Variants in RS1 observed in about 807,000 individuals in gnomAD.
RS1 encodes the protein retinoschisin 1, also known as retinoschisin.
RS1 carries 2 observed loss-of-function variants against 20.8 expected under a neutral mutation model. The ratio of observed to expected loss-of-function variants is 0.10; its 90% CI spans 0.04 to 0.30. RS1 has a LOEUF of 0.30. RS1 is among the 10% of genes least tolerant of loss of function. RS1 has a pLI of 1.00. For missense variants in RS1, 151 were observed against 189.8 expected, an observed-to-expected ratio of 0.80 and a Z score of 1.20; for synonymous variants, 70 against 75.8, an observed-to-expected ratio of 0.92 and a Z score of 0.40.
intron 3 of RS1, chrX:18,650,519 C>T: frequency 8.3e-7 from 1 of 1,212,095 alleles, no homozygotes; most frequent in Non-Finnish European, 1.1e-6. Flanking sequence ...TACTCCAGGT[C>T]CGAGGCACTT....
At chrX:18,643,481 G>A (rs1927659060) in intron 5 of RS1, among the ~76,000 whole-genome samples, 2 of 112,488 alleles carry the variant, frequency 1.8e-5, no homozygotes, top group South Asian at 7.4e-4. Context: ...GTGCAGGGGT[G>A]AAGTGCCTCT....
chrX:18,651,285 G>C (rs896686831), intron 3 of RS1, among the ~76,000 whole-genome samples: 1 of 108,341 alleles, frequency 9.2e-6, no homozygotes, highest in Non-Finnish European at 1.9e-5. Flanking sequence ...GAGAGAGAGA[G>C]AGACAGAGAG....
intron 4 of RS1, among the ~76,000 whole-genome samples, chrX:18,646,619 A>C (rs1051472833): frequency 7.2e-5 from 8 of 111,837 alleles, no homozygotes; most frequent in African/African-American, 2.3e-4. Context: ...GTGGCTTCTA[A>C]GGTCCTGCAC....
chrX:18,657,826 T>C (rs2147203570), intron 1 of RS1, among the ~76,000 whole-genome samples, 161 bp from the exon 2 acceptor site: 1 of 111,947 alleles, frequency 8.9e-6, no homozygotes, highest in African/African-American at 3.2e-5. Context: ...AGGAAAAACA[T>C]CCGCAGATGC....
intron 3 of RS1, among the ~76,000 whole-genome samples, chrX:18,655,986 C>CTTTTTTTTTTTTTTTT (rs56213978): frequency 1.2e-4 from 6 of 50,826 alleles, no homozygotes; most frequent in Admixed American, 2.8e-4. Context: ...TTTTCTTTTC[C>CTTTTTTTTTTTTTTTT]TTTTTTTTTT....
intron 3 of RS1, chrX:18,653,348 G>T: frequency 1.7e-6 from 2 of 1,172,517 alleles, no homozygotes; most frequent in East Asian, 3.2e-5. Flanking sequence ...TCTGCTCCGT[G>T]GGGGGCCCGG....
chrX:18,650,531 C>T (rs770428990), intron 3 of RS1: 2 of 1,211,842 alleles, frequency 1.7e-6, no homozygotes, highest in South Asian at 3.5e-5. Context: ...GAGGCACTTC[C>T]ATGTGCCCGA....
At chrX:18,657,540 A>G (rs914251097) in intron 2 of RS1, 100 bp downstream of exon 2, 2 of 688,717 alleles carry the variant, frequency 2.9e-6, no homozygotes, top group Non-Finnish European at 4.7e-6. Context: ...ATTTCAAAAT[A>G]CATTTAAAAA....
intron 4 of RS1, chrX:18,646,227 C>T (rs1927769488): frequency 1.0e-6 from 1 of 985,016 alleles, no homozygotes; most frequent in African/African-American, 1.9e-5. Flanking sequence ...AATCTCGGCT[C>T]ACTGCAACCT....
intron 1 of RS1, among the ~76,000 whole-genome samples, chrX:18,664,361 C>T (rs1265026394): frequency 8.9e-6 from 1 of 112,562 alleles, no homozygotes; most frequent in Admixed American, 9.4e-5. Context: ...GGCGCGGTGG[C>T]TCACGCCTGT....
At position 18,640,549 on chromosome X, in the gene RS1, TG is replaced by T. The variant is rs1242449212; in HGVS notation, c.*1454del. ...TACAGCATAGGGACTAGAAAGATGC[TG>T]GGTTGGATATAAAATAATTGAGCCC... On this transcript the variant is annotated 3_prime_UTR_variant, in exon 6 of 6. Transcript: ENST00000379984. 6 of 106,084 alleles carry T rather than the reference TG, an allele frequency of 5.7e-5. No homozygotes were observed. The highest frequency in any genetic ancestry group is 2.1e-4 in the African/African-American group (6 of 28,790). 8.7% of individuals were successfully genotyped at this position (106,084 alleles called of 1,213,427 possible). A position where few individuals can be genotyped will look rare whatever the true frequency, so the allele number is the denominator to read the frequency against.
rs987462172 is a variant in RS1, at chrX:18,639,877, C to T, written c.*2127G>A. ...GTTATAACGTGGATGAACTTTAAAA[C>T]ACTATGCTAAGTGAAAGAAGCCAGT... is the stretch of plus-strand genomic sequence containing the variant. On this transcript the variant is annotated 3_prime_UTR_variant, in exon 6 of 6. Coordinates refer to ENST00000379984, the MANE Select transcript of RS1 (RefSeq NM_000330.4). 1 of 111,660 alleles carries T rather than the reference C, an allele frequency of 9.0e-6. No individual in the cohort carries two copies. The highest frequency in any genetic ancestry group is 3.3e-5 in the African/African-American group (1 of 30,687). 9.2% of individuals were successfully genotyped at this position (111,660 alleles called of 1,213,427 possible). A position where few individuals can be genotyped will look rare whatever the true frequency, so the allele number is the denominator to read the frequency against.
chrX:18,654,149 C>CTT (rs1186729210), intron 3 of RS1, among the ~76,000 whole-genome samples: 7,862 of 92,489 alleles, frequency 0.085, 435 homozygotes, highest in Non-Finnish European at 0.14. Context: ...TTCTCTCTCT[C>CTT]TTTTTTTTTT....
At chrX:18,651,141 C>G (rs1002420969) in intron 3 of RS1, among the ~76,000 whole-genome samples, 2 of 103,198 alleles carry the variant, frequency 1.9e-5, no homozygotes, top group African/African-American at 7.1e-5. Context: ...CCGCACCCCC[C>G]GCCACACCCT....
chrX:18,654,808 A>G (rs1928183037), intron 3 of RS1, among the ~76,000 whole-genome samples: 3 of 111,896 alleles, frequency 2.7e-5, no homozygotes, highest in Middle Eastern at 4.6e-3. Context: ...CCTTCAGAAA[A>G]TAGGAAAATC....
intron 3 of RS1, among the ~76,000 whole-genome samples, chrX:18,651,264 T>TGTGTGTGTGA (rs1491242962): frequency 1.4e-5 from 1 of 69,008 alleles, no homozygotes; most frequent in Non-Finnish European, 2.6e-5. Context: ...TGTGTGTGTG[T>TGTGTGTGTGA]GAGAGAGAGA....
At position 18,653,459 on chromosome X, in the gene RS1, T is replaced by C. The variant is rs587783162; in HGVS notation, c.184+3194A>G. On this transcript the variant is annotated intron_variant, in intron 3 of 5. Transcript: ENST00000379984. ...TTCTCTTTCTTCGTGAGACACGTTA[T>C]GAGGGAAGCCCTGATTCACAGGGCC... The C allele has an allele frequency of 9.9e-6, 12 of 1,209,625 alleles. No individual in the cohort carries two copies. Among genetic ancestry groups the C allele is most frequent in the Non-Finnish European group, 1.3e-5 (12 of 895,209 alleles).
intron 1 of RS1, among the ~76,000 whole-genome samples, chrX:18,664,126 G>A (rs949507062): frequency 7.1e-5 from 8 of 112,009 alleles, no homozygotes; most frequent in South Asian, 3.7e-4. Flanking sequence ...GATCCATAGC[G>A]GCAGTATTTG....
chrX:18,645,900 ACT>A, intron 4 of RS1: 2 of 1,171,010 alleles, frequency 1.7e-6, no homozygotes, highest in Non-Finnish European at 2.3e-6. Flanking sequence ...CCCTAACCAA[ACT>A]CTGGTCAATG....
Sources: allele counts gnomAD v4.1 joint callset (sites outside exome capture counted in the v4.1 genomes callset), GRCh38; gene constraint gnomAD v4.1.1; transcripts MANE v1.5; gene names NCBI Gene and HGNC (gene_info 2026-07-23, HGNC 2026-07-21).